Variants in MRRF observed in about 807,000 individuals in gnomAD.
MRRF encodes the protein ribosome-recycling factor, mitochondrial.
Under a neutral mutation model 25.1 loss-of-function variants are expected in MRRF, and 18 were observed. The observed-to-expected ratio is 0.72, with a 90% confidence interval of 0.50 to 1.06. The LOEUF is 1.06. Among genes scored for constraint, MRRF ranks in the 50% least tolerant of loss-of-function variants. MRRF has a pLI of 0.00. For synonymous variants in MRRF, 113 were observed against 112.1 expected (o/e 1.01, Z -0.05); for missense variants, 323 against 319.3 (o/e 1.01, Z -0.09).
At position 122,323,744 on chromosome 9, in the gene MRRF, G is replaced by GTGTAT. The variant is rs935136363; in HGVS notation, c.*1129_*1133dup. On this transcript the variant is annotated 3_prime_UTR_variant, in exon 7 of 7. Transcript: ENST00000344641. Reference sequence around the variant, plus strand: ...AATCTTGACAGTAAACTTAAGAGATGTGTATTATCTTCATTTACAAATAGG... The same window carrying GTGTAT: ...AATCTTGACAGTAAACTTAAGAGATGTGTATTGTATTATCTTCATTTACAAATAGG... 1 of 152,182 alleles carries GTGTAT rather than the reference G, an allele frequency of 6.6e-6. No homozygotes were observed. Among genetic ancestry groups the GTGTAT allele is most frequent in the African/African-American group, 2.4e-5 (1 of 41,450 alleles). The allele number at this position is 152,182 out of a possible 1,614,324, so 9.4% of individuals were successfully genotyped here. A position where few individuals can be genotyped will look rare whatever the true frequency, so the allele number is the denominator to read the frequency against.
intron 5 of MRRF, among the ~76,000 whole-genome samples, chr9:122,298,215 C>G (rs1364555926): frequency 6.6e-6 from 1 of 152,114 alleles, no homozygotes; most frequent in Admixed American, 6.6e-5. Flanking sequence ...GTTTTTGTAG[C>G]AAAGGACAGC....
At position 122,322,910 on chromosome 9, in the gene MRRF, G is replaced by T; in HGVS notation, c.*293G>T. The stretch of plus-strand genomic sequence containing the variant: ...GCCAAGGGACTGAGGCCATTGGCAG[G>T]CTTAGTACCACCTGCTCCTCATCTT... On this transcript the variant is annotated 3_prime_UTR_variant, in exon 7 of 7. Coordinates refer to ENST00000344641, the MANE Select transcript of MRRF (RefSeq NM_138777.5). 2.0e-6 allele frequency: 1 copy of T among 511,600 alleles called. No homozygotes were observed. The highest frequency in any genetic ancestry group is 3.6e-6 in the Non-Finnish European group (1 of 281,338). The allele number at this position is 511,600 out of a possible 1,614,324, so 31.7% of individuals were successfully genotyped here. A position where few individuals can be genotyped will look rare whatever the true frequency, so the allele number is the denominator to read the frequency against.
At position 122,330,344 on chromosome 9, in the gene MRRF, A is replaced by G. The variant is rs535135106; in HGVS notation, c.*7727A>G. The G allele has an allele frequency of 6.6e-6, 1 of 152,310 alleles. No individual in the cohort carries two copies. The highest frequency in any genetic ancestry group is 2.1e-4 in the South Asian group (1 of 4,822). 9.4% of individuals were successfully genotyped at this position (152,310 alleles called of 1,614,324 possible). Reference sequence around the variant, plus strand: ...CCTCGCTAGGCTCTAGAGCCCCTAAATCTCCAAAGACAGCAGCTCCTCCGC... The same window carrying G: ...CCTCGCTAGGCTCTAGAGCCCCTAAGTCTCCAAAGACAGCAGCTCCTCCGC... On this transcript the variant is annotated 3_prime_UTR_variant, in exon 7 of 7. Coordinates refer to ENST00000344641, the MANE Select transcript of MRRF (RefSeq NM_138777.5). This position sits in a 1 kb window ranked among gnomAD's most constrained non-coding sequence, Gnocchi z 4.2.
intron 4 of MRRF, 195 bp downstream of exon 4, chr9:122,285,482 C>G (rs1173155965): frequency 3.3e-6 from 2 of 602,050 alleles, no homozygotes; most frequent in Non-Finnish European, 6.0e-6. Context: ...GCTACAGAGG[C>G]TAGGTAAGTT....
intron 6 of MRRF, among the ~76,000 whole-genome samples, chr9:122,313,710 CT>C (rs1238852795): frequency 2.0e-5 from 3 of 152,174 alleles, no homozygotes; most frequent in African/African-American, 7.2e-5. Flanking sequence ...AATCACACTG[CT>C]GGAAATTGGT....
intron 4 of MRRF, among the ~76,000 whole-genome samples, chr9:122,287,512 T>A (rs185120249): frequency 0.018 from 2,730 of 151,886 alleles, 22 homozygotes; most frequent in Non-Finnish European, 0.031. Flanking sequence ...ATTTAGGGAA[T>A]AGCCTCCTAA....
chr9:122,272,048 G>GTAGCA (rs753805168), intron 2 of MRRF, among the ~76,000 whole-genome samples: 3 of 152,132 alleles, frequency 2.0e-5, no homozygotes, highest in Non-Finnish European at 4.4e-5. Flanking sequence ...TGATCTGTAT[G>GTAGCA]TAGCATTATA....
At chr9:122,314,367 A>G (rs1229729343) in intron 6 of MRRF, among the ~76,000 whole-genome samples, 1 of 152,184 alleles carries the variant, frequency 6.6e-6, no homozygotes, top group African/African-American at 2.4e-5. Flanking sequence ...GTACATTTTA[A>G]ACACCTGCTC....
chr9:122,271,926 A>G (rs1045653179), intron 2 of MRRF, among the ~76,000 whole-genome samples: 5 of 152,200 alleles, frequency 3.3e-5, no homozygotes, highest in East Asian at 1.9e-4. Flanking sequence ...TTCCTTTTCT[A>G]ATTTCATGCA....
intron 5 of MRRF, among the ~76,000 whole-genome samples, chr9:122,295,886 A>C (rs1834053441): frequency 6.6e-6 from 1 of 152,140 alleles, no homozygotes; most frequent in South Asian, 2.1e-4. Context: ...CCCAGAACTA[A>C]ATTTTATTTT....
In MRRF at chr9:122,283,966, TTTGTTGTTGTTG is replaced by T. The variant is rs199591983; in HGVS notation, c.341-1176_341-1165del. ...AGGATAATAGGAAAATGTTAATAGT[TTTGTTGTTGTTG>T]TTGTTGTTGTTGTTGTTGTTGTTGT... On this transcript the variant is annotated intron_variant, in intron 3 of 6. Transcript: ENST00000344641. 8.2e-3 allele frequency among the ~76,000 whole-genome samples: 1,228 copies of T among 150,636 alleles called. 18 individuals carry two copies. Among genetic ancestry groups the T allele is most frequent in the African/African-American group, 0.028 (1,123 of 40,832 alleles).
At chr9:122,271,727 T>C (rs574189914) in intron 2 of MRRF, among the ~76,000 whole-genome samples, 12 of 152,228 alleles carry the variant, frequency 7.9e-5, no homozygotes, top group Non-Finnish European at 1.3e-4. Context: ...CTGATGAAGG[T>C]AGGTTCTATA....
intron 5 of MRRF, among the ~76,000 whole-genome samples, chr9:122,310,814 A>G (rs17273863): frequency 0.078 from 11,872 of 152,312 alleles, 596 homozygotes; most frequent in Middle Eastern, 0.15. Context: ...TACAAACTCT[A>G]GTGCATACTC....
chr9:122,308,171 C>T (rs139890522), intron 5 of MRRF, among the ~76,000 whole-genome samples: 192 of 152,262 alleles, frequency 1.3e-3, no homozygotes, highest in South Asian at 2.9e-3. Flanking sequence ...TAGAGGCTCT[C>T]TGACCCTAGC....
In MRRF at chr9:122,285,306, A is replaced by C; in HGVS notation, c.459+19A>C. 7.0e-7 allele frequency: 1 copy of C among 1,437,470 alleles called. No individual in the cohort carries two copies. The highest frequency in any genetic ancestry group is 9.8e-7 in the Non-Finnish European group (1 of 1,019,076). The allele number at this position is 1,437,470 out of a possible 1,614,324, so 89.0% of individuals were successfully genotyped here. ...CCCAGAGGTAAGATGGCCTTGCTAA[A>C]ATCTCTCTCCGTGGTCTCTTTTGGA... is the stretch of plus-strand genomic sequence containing the variant. On this transcript the variant is annotated intron_variant, in intron 4 of 6. Transcript: ENST00000344641.
intron 4 of MRRF, chr9:122,285,490 GT>G (rs2118739042): frequency 1.7e-6 from 1 of 583,458 alleles, no homozygotes; most frequent in Non-Finnish European, 3.1e-6. Flanking sequence ...GGCTAGGTAA[GT>G]TGTTTGAATA....
chr9:122,279,162 C>T (rs903450009), intron 2 of MRRF, among the ~76,000 whole-genome samples: 4 of 152,136 alleles, frequency 2.6e-5, no homozygotes, highest in Non-Finnish European at 4.4e-5. Context: ...TGAGCCACTG[C>T]GCCCAGCCCC....
rs150012386 is a variant in MRRF at position 122,282,815 on chromosome 9, G to C, written c.340+2217G>C. ...TAGTCCAGCCTAGGAGATCAGACAA[G>C]ATTACTGAGATTAGATGCCACTGTA... is the stretch of plus-strand genomic sequence containing the variant. On this transcript the variant is annotated intron_variant, in intron 3 of 6. Transcript: ENST00000344641. Among the ~76,000 whole-genome samples the C allele has an allele frequency of 3.2e-4, 48 of 152,304 alleles. No homozygotes were observed. In the East Asian group the frequency reaches 7.7e-3, roughly 24 times the overall value.
At chr9:122,291,100 A>T (rs542375870) in intron 4 of MRRF, among the ~76,000 whole-genome samples, 16 of 152,340 alleles carry the variant, frequency 1.1e-4, no homozygotes, top group African/African-American at 3.8e-4. Flanking sequence ...ATGGTCTCAG[A>T]TGATGAAATA....
Sources: allele counts gnomAD v4.1 joint callset (sites outside exome capture counted in the v4.1 genomes callset), GRCh38; gene constraint gnomAD v4.1.1; non-coding constraint Gnocchi (gnomAD v3.1); transcripts MANE v1.5; gene names NCBI Gene and HGNC (gene_info 2026-07-23, HGNC 2026-07-21).